The following LAMC1 variants were observed in gnomAD, a reference collection of about 807,000 sequenced individuals.
LAMC1 encodes laminin subunit gamma 1, also known as laminin subunit gamma-1.
Under a neutral mutation model 173.6 loss-of-function variants are expected in LAMC1, and 38 were observed. That is an observed-to-expected ratio of 0.22 (90% CI 0.17 to 0.29). The LOEUF (loss-of-function observed/expected upper bound fraction) is 0.29, where lower values mean the gene tolerates loss of function less well. Ranked by LOEUF, LAMC1 falls within the 10% of genes least tolerant of loss-of-function variation. The pLI is 1.00. For synonymous variants in LAMC1, 746 were observed against 749.1 expected (o/e 1.00, Z 0.07); for missense variants, 1,824 against 2,051.8 (o/e 0.89, Z 2.14).
intron 1 of LAMC1, among the ~76,000 whole-genome samples, chr1:183,073,559 A>G (rs1349945249): frequency 6.6e-6 from 1 of 152,226 alleles, no homozygotes; most frequent in Non-Finnish European, 1.5e-5. Flanking sequence ...CCAGCTTTGC[A>G]TCACCTAGGT....
chr1:183,050,141 T>A, intron 1 of LAMC1, among the ~76,000 whole-genome samples: 1 of 152,176 alleles, frequency 6.6e-6, no homozygotes, highest in Non-Finnish European at 1.5e-5. Context: ...ATTATGTTGT[T>A]TAGTCATCTT....
chr1:183,072,999 A>C (rs1655049232), intron 1 of LAMC1, among the ~76,000 whole-genome samples: 1 of 152,216 alleles, frequency 6.6e-6, no homozygotes, highest in Non-Finnish European at 1.5e-5. Context: ...TTACAAATGT[A>C]ATAATAATAG....
At chr1:183,072,733 G>A (rs1302492488) in intron 1 of LAMC1, among the ~76,000 whole-genome samples, 1 of 152,208 alleles carries the variant, frequency 6.6e-6, no homozygotes, top group Non-Finnish European at 1.5e-5. Flanking sequence ...GCCACTCCCC[G>A]TTGCTTGCCT....
intron 11 of LAMC1, among the ~76,000 whole-genome samples, chr1:183,119,389 T>TG (rs1401632723): frequency 6.6e-6 from 1 of 152,084 alleles, no homozygotes; most frequent in East Asian, 1.9e-4. Context: ...AATATGAATC[T>TG]GGGGCTTAGG....
At chr1:183,057,833 C>T (rs1654637143) in intron 1 of LAMC1, among the ~76,000 whole-genome samples, 1 of 152,068 alleles carries the variant, frequency 6.6e-6, no homozygotes, top group African/African-American at 2.4e-5. Flanking sequence ...TCATATATAT[C>T]ATGCTCATTT....
intron 1 of LAMC1, among the ~76,000 whole-genome samples, chr1:183,078,445 G>A (rs1257586181): frequency 6.6e-6 from 1 of 151,990 alleles, no homozygotes; most frequent in Non-Finnish European, 1.5e-5. Flanking sequence ...AGCCGGGTGT[G>A]GTGGTGGGCG....
intron 1 of LAMC1, among the ~76,000 whole-genome samples, chr1:183,051,900 G>C (rs2102023788): frequency 6.6e-6 from 1 of 152,302 alleles, no homozygotes; most frequent in Non-Finnish European, 1.5e-5. Context: ...CTAATGAAGG[G>C]AAGACAGGTG....
At chr1:183,114,781 A>G (rs1032209234) in intron 5 of LAMC1, 62 bp downstream of exon 5, 27 of 1,522,582 alleles carry the variant, frequency 1.8e-5, no homozygotes, top group Non-Finnish European at 2.4e-5. Context: ...CCGGAAAGGA[A>G]AGCTTTGTTT....
At chr1:183,111,240 C>G (rs1021790085) in intron 4 of LAMC1, among the ~76,000 whole-genome samples, 3 of 151,994 alleles carry the variant, frequency 2.0e-5, no homozygotes, top group Non-Finnish European at 4.4e-5. Context: ...GTGCATGCCA[C>G]CATGCCCAGC....
intron 1 of LAMC1, 131 bp from the exon 2 acceptor site, chr1:183,103,197 G>A (rs1655877935): frequency 1.2e-6 from 1 of 864,058 alleles, no homozygotes; most frequent in African/African-American, 1.7e-5. Flanking sequence ...TTTTAGAATA[G>A]CCTGTCTTCT....
chr1:183,103,742 T>A, intron 2 of LAMC1, 110 bp downstream of exon 2: 3 of 892,324 alleles, frequency 3.4e-6, no homozygotes, highest in Non-Finnish European at 5.0e-6. Flanking sequence ...GGGGTCAGAG[T>A]AGAATACTTG....
At chr1:183,072,254 T>G (rs10494556) in intron 1 of LAMC1, among the ~76,000 whole-genome samples, 3,644 of 152,308 alleles carry the variant, frequency 0.024, 143 homozygotes, top group African/African-American at 0.083. Flanking sequence ...TGAAATCTTG[T>G]TACAACACAT....
intron 1 of LAMC1, among the ~76,000 whole-genome samples, chr1:183,060,937 A>C (rs963341755): frequency 6.6e-6 from 1 of 152,234 alleles, no homozygotes; most frequent in Non-Finnish European, 1.5e-5. Flanking sequence ...GGCTTTGAAT[A>C]TGAAGCTGAC....
rs1461106149 is a variant in LAMC1, at chr1:183,052,139, C to T, written c.418+28005C>T. ...CTCTGCACTGCGTATCCAAGAGTAA[C>T]CATCACTTCTGCTTCCCCTGTTTTG... is the stretch of plus-strand genomic sequence containing the variant. On this transcript the variant is annotated intron_variant, in intron 1 of 27. Transcript: ENST00000258341. Among the ~76,000 whole-genome samples the T allele has an allele frequency of 2.0e-5, 3 of 152,146 alleles. No individual in the cohort carries two copies. The East Asian group carries it at 5.8e-4, about 29-fold the overall frequency.
rs116324246 is a variant in LAMC1 at position 183,093,211 on chromosome 1, C to G, written c.419-10117C>G. On this transcript the variant is annotated intron_variant, in intron 1 of 27. Transcript: ENST00000258341. Reference sequence around the variant, plus strand: ...TTACCTGTCTCCAATGCCCCCTTCCCTTGTGCCCAGCATTCTCTATGGCTT... The same window carrying G: ...TTACCTGTCTCCAATGCCCCCTTCCGTTGTGCCCAGCATTCTCTATGGCTT... Among the ~76,000 whole-genome samples the G allele has an allele frequency of 3.8e-3, 581 of 152,266 alleles. 2 individuals carry two copies. Among genetic ancestry groups the G allele is most frequent in the Non-Finnish European group, 6.3e-3 (431 of 68,018 alleles).
intron 1 of LAMC1, among the ~76,000 whole-genome samples, chr1:183,058,071 G>T (rs1318119844): frequency 2.0e-5 from 3 of 152,136 alleles, no homozygotes; most frequent in African/African-American, 7.2e-5. Context: ...CTTCTAAAAA[G>T]AGGTTCTCTT....
Position 183,131,302 on chromosome 1 carries a change from G to T in LAMC1, c.3490G>T (p.Val1164Phe), listed in dbSNP as rs768120923. 6.2e-7 allele frequency: 1 copy of T among 1,612,274 alleles called. No homozygotes were observed. Among genetic ancestry groups the T allele is most frequent in the East Asian group, 2.2e-5 (1 of 44,856 alleles). The change falls in exon 20 of 28, where the codon GTC becomes TTC. Residue 1164 changes from valine to phenylalanine, a missense_variant. Val to Phe is a conservative substitution (Grantham distance 50). Coordinates refer to ENST00000258341, the MANE Select transcript of LAMC1 (RefSeq NM_002293.4). ...KAKVAAANVS[V>F]TQPESTGDPN... Reference sequence around the variant, plus strand: ...AAGTGCTTTATTTCCTGTGCAGTCAGTCACTCAGCCAGAATCTACAGGGGA... The same window carrying T: ...AAGTGCTTTATTTCCTGTGCAGTCATTCACTCAGCCAGAATCTACAGGGGA...
intron 1 of LAMC1, among the ~76,000 whole-genome samples, chr1:183,071,793 C>A (rs1190153814): frequency 6.6e-6 from 1 of 152,156 alleles, no homozygotes; most frequent in Non-Finnish European, 1.5e-5. Context: ...TTCCCAAACA[C>A]AAGAAGGTGT....
chr1:183,078,663 C>T (rs770183359), intron 1 of LAMC1, among the ~76,000 whole-genome samples: 21 of 151,586 alleles, frequency 1.4e-4, no homozygotes, highest in East Asian at 9.7e-4. Flanking sequence ...TGAAGGGGAT[C>T]GTGACATGTA....
Sources: allele counts gnomAD v4.1 joint callset (sites outside exome capture counted in the v4.1 genomes callset), GRCh38; gene constraint gnomAD v4.1.1; transcripts MANE v1.5; gene names NCBI Gene and HGNC (gene_info 2026-07-23, HGNC 2026-07-21).